Variants in ADGRV1 observed in about 807,000 individuals in gnomAD.
ADGRV1 encodes the protein adhesion G protein-coupled receptor V1.
ADGRV1 carries 359 observed loss-of-function variants against 596.2 expected under a neutral mutation model. The observed-to-expected ratio is 0.60, with a 90% CI of 0.55 to 0.66. ADGRV1 has a LOEUF of 0.66. ADGRV1 is among the 30% of genes least tolerant of loss of function. ADGRV1 has a pLI of 0.00. For missense variants in ADGRV1, 7,274 were observed against 7,575.6 expected (o/e 0.96, Z 1.48); for synonymous variants, 2,681 against 2,679.2 (o/e 1.00, Z -0.02).
At chr5:90,655,260 T>C (rs1769236683) in intron 20 of ADGRV1, 1 of 152,216 alleles carries the variant, frequency 6.6e-6, no homozygotes, top group Non-Finnish European at 1.5e-5. Context: ...GATTCACTTT[T>C]CCTATTTTTA....
intron 83 of ADGRV1, among the ~76,000 whole-genome samples, chr5:90,887,241 G>A (rs899149335): frequency 3.3e-5 from 5 of 152,088 alleles, no homozygotes; most frequent in African/African-American, 1.2e-4. Context: ...GGGTGCCGTG[G>A]TCTCTGCCTG....
intron 55 of ADGRV1, 47 bp downstream of exon 55, chr5:90,755,232 T>C (rs1755705620): frequency 7.8e-7 from 1 of 1,287,090 alleles, no homozygotes; most frequent in African/African-American, 1.5e-5. Context: ...AGGAAAATTC[T>C]CTTAAGTAAA....
At chr5:90,839,865 C>A (rs1448182424) in intron 77 of ADGRV1, among the ~76,000 whole-genome samples, 1 of 152,190 alleles carries the variant, frequency 6.6e-6, no homozygotes, top group Non-Finnish European at 1.5e-5. Context: ...ATAGTAGGTT[C>A]TATGAGTGCA....
chr5:90,752,929 A>G (rs1270126010), intron 53 of ADGRV1, among the ~76,000 whole-genome samples: 2 of 152,192 alleles, frequency 1.3e-5, no homozygotes, highest in African/African-American at 2.4e-5. Flanking sequence ...GTAATTATAA[A>G]TAGTTTGTAG....
chr5:91,037,990 A>G lies in ADGRV1; in HGVS notation c.18153-34457A>G, dbSNP rs534057974. Among the ~76,000 whole-genome samples the G allele has an allele frequency of 7.2e-5, 11 of 152,342 alleles. No homozygotes were observed. The South Asian group carries it at 2.3e-3, about 32-fold the overall frequency. ...TTGTATGTGTATAAGGTATACATGA[A>G]ACATAAATGAATTTTGTGTTTAGAC... On this transcript the variant is annotated intron_variant, in intron 85 of 89. Transcript: ENST00000405460.
At chr5:91,085,669 T>A (rs1283804966) in intron 86 of ADGRV1, among the ~76,000 whole-genome samples, 1 of 152,188 alleles carries the variant, frequency 6.6e-6, no homozygotes, top group East Asian at 1.9e-4. Flanking sequence ...CTTTCATCTG[T>A]TTTTCCTACT....
At chr5:90,719,578 AT>A (rs1030398631) in intron 43 of ADGRV1, among the ~76,000 whole-genome samples, 4 of 151,618 alleles carry the variant, frequency 2.6e-5, no homozygotes, top group African/African-American at 9.7e-5. Flanking sequence ...GTAGTTGGAC[AT>A]TTTTTTTAAT....
At chr5:91,143,223 G>T (rs1229384304) in intron 87 of ADGRV1, among the ~76,000 whole-genome samples, 2 of 152,204 alleles carry the variant, frequency 1.3e-5, no homozygotes, top group East Asian at 1.9e-4. Context: ...TCACTGCCCT[G>T]GCTTGGGGCA....
At chr5:90,726,986 A>G (rs1211639068) in intron 48 of ADGRV1, among the ~76,000 whole-genome samples, 1 of 152,192 alleles carries the variant, frequency 6.6e-6, no homozygotes, top group Non-Finnish European at 1.5e-5. Flanking sequence ...GATTTCCACT[A>G]TGAAACTTGT....
At position 90,669,071 on chromosome 5, in the gene ADGRV1, T is replaced by C. The variant is rs533815663; in HGVS notation, c.4753-3475T>C. Among the ~76,000 whole-genome samples the C allele has an allele frequency of 3.9e-5, 6 of 152,350 alleles. No individual in the cohort carries two copies. In the East Asian group the frequency reaches 9.6e-4, roughly 24 times the overall value. On this transcript the variant is annotated intron_variant, in intron 21 of 89. Coordinates refer to ENST00000405460, the MANE Select transcript of ADGRV1 (RefSeq NM_032119.4). ...TATTAAGATTAATGGTTTATTAATT[T>C]AACTCATGAGATGTTACGATCCCCA...
Position 90,705,408 on chromosome 5 carries a change from C to G in ADGRV1, c.8395C>G (p.Pro2799Ala). The change falls in exon 37 of 90, where the codon CCA becomes GCA. Residue 2799 changes from proline to alanine, a missense_variant. By Grantham distance (27) the Pro-to-Ala change is conservative (BLOSUM62 -1). Coordinates refer to ENST00000405460, the MANE Select transcript of ADGRV1 (RefSeq NM_032119.4). ...CTGCCTGACATTTTTAGGAGTTCCA[C>G]CAGCCGGAATCGCCCTGCTTGATGC... ...LYDVRTQGVP[P>A]AGIALLDAQG... The G allele has an allele frequency of 6.2e-7, 1 of 1,613,232 alleles. No homozygotes were observed. The highest frequency in any genetic ancestry group is 1.1e-5 in the South Asian group (1 of 90,916).
intron 56 of ADGRV1, 54 bp downstream of exon 56, chr5:90,756,684 T>G: frequency 7.0e-7 from 1 of 1,432,086 alleles, no homozygotes; most frequent in South Asian, 1.2e-5. Flanking sequence ...CCCTGCTGAT[T>G]TGGCCAGTGT....
chr5:90,755,914 T>C (rs1312081337), intron 55 of ADGRV1, among the ~76,000 whole-genome samples: 2 of 150,618 alleles, frequency 1.3e-5, no homozygotes, highest in African/African-American at 2.4e-5. Context: ...TAGGTAATAG[T>C]ATCTCCTGAA....
At chr5:91,003,872 G>A (rs1782046469) in intron 85 of ADGRV1, among the ~76,000 whole-genome samples, 1 of 152,078 alleles carries the variant, frequency 6.6e-6, no homozygotes. Context: ...ATGAAAGAAA[G>A]TAGGAAAGTA....
intron 87 of ADGRV1, among the ~76,000 whole-genome samples, chr5:91,131,637 T>C (rs927062500): frequency 1.3e-5 from 2 of 151,748 alleles, no homozygotes; most frequent in Admixed American, 6.6e-5. Context: ...TTTAATGGGG[T>C]TGTCTGTTTG....
In ADGRV1 at chr5:90,855,862, A is replaced by T; in HGVS notation, c.17716A>T (p.Asn5906Tyr). 1 of 1,612,680 alleles carries T rather than the reference A, an allele frequency of 6.2e-7. No homozygotes were observed. The highest frequency in any genetic ancestry group is 1.3e-5 in the African/African-American group (1 of 75,004). The change falls in exon 82 of 90, where the codon AAT (asparagine) becomes TAT (tyrosine). Residue 5906 changes from asparagine (N) to tyrosine (Y), a missense_variant. Around this residue, in one of 5 missense-constraint regions of ADGRV1, gnomAD observed 1,874 missense variants for 1,970.2 expected, o/e 0.95. Transcript: ENST00000405460. ...YARTDNLSSYNEAFFTSGFIC... is the reference protein window; with the variant it reads ...YARTDNLSSYYEAFFTSGFIC... ...TCGGACTGACAACTTGTCTTCATAC[A>T]ATGAAGCCTTCTTCACTTCTGGATT... is the stretch of plus-strand genomic sequence containing the variant.
chr5:91,121,648 G>A (rs1338498158), intron 87 of ADGRV1, among the ~76,000 whole-genome samples: 1 of 152,162 alleles, frequency 6.6e-6, no homozygotes, highest in Non-Finnish European at 1.5e-5. Context: ...AGTCCTGCAT[G>A]TCCAGTGTCA....
chr5:90,677,193 A>G (rs911349069), intron 25 of ADGRV1, among the ~76,000 whole-genome samples: 2 of 152,224 alleles, frequency 1.3e-5, no homozygotes, highest in Non-Finnish European at 2.9e-5. Context: ...TACATAAGCC[A>G]TCCAAAGGAA....
chr5:90,760,294 GGAAA>G (rs1034018979), intron 58 of ADGRV1, among the ~76,000 whole-genome samples: 2 of 141,862 alleles, frequency 1.4e-5, no homozygotes, highest in African/African-American at 2.6e-5. Context: ...AAAAAAAAAA[GGAAA>G]GAAAGTCTTC....
Sources: gnomAD v4.1 joint callset for allele counts (sites outside exome capture counted in the v4.1 genomes callset) on GRCh38, gnomAD v4.1.1 for gene constraint, gnomAD v4.1.1 regional missense constraint, MANE v1.5 for transcripts, NCBI Gene and HGNC (gene_info 2026-07-23, HGNC 2026-07-21) for gene names.